SPIRE2: variants seen among roughly 807,000 people sequenced by gnomAD.
SPIRE2 encodes the protein spire type actin nucleation factor 2, also known as protein spire homolog 2.
Under a neutral mutation model 80.7 loss-of-function variants are expected in SPIRE2, and 76 were observed. The observed-to-expected ratio is 0.94, with a 90% CI of 0.78 to 1.14. SPIRE2 has a LOEUF of 1.14. Ranked by LOEUF, SPIRE2 falls within the 50% of genes most tolerant of loss-of-function variation. SPIRE2 has a pLI of 0.00. For missense variants in SPIRE2, 1,196 were observed against 1,015.3 expected (o/e 1.18, Z -2.42); for synonymous variants, 535 against 432.6 (o/e 1.24, Z -2.94).
intron 1 of SPIRE2, among the ~76,000 whole-genome samples, chr16:89,838,164 A>ATTTTTTTTTTT (rs34507409): frequency 1.6e-4 from 14 of 87,514 alleles, no homozygotes; most frequent in Non-Finnish European, 2.5e-4. Context: ...CACGCTCAGC[A>ATTTTTTTTTTT]TTTTTTTTTT....
At chr16:89,865,286 G>GT (rs903757033) in intron 12 of SPIRE2, among the ~76,000 whole-genome samples, 2 of 152,126 alleles carry the variant, frequency 1.3e-5, no homozygotes, top group African/African-American at 4.8e-5. Flanking sequence ...GATTACAGGC[G>GT]TAAGCCACCG....
At position 89,845,324 on chromosome 16, in the gene SPIRE2, C is replaced by G; in HGVS notation, c.247C>G (p.Pro83Ala). Reference sequence around the variant, plus strand: ...CTTAACTCCCTCTTCTCTTACAGAACCTGCAACCATGGTCGTGCCACTAGC... The same window carrying G: ...CTTAACTCCCTCTTCTCTTACAGAAGCTGCAACCATGGTCGTGCCACTAGC... The part of the protein sequence containing the change: ...VGAREPEAAE[P>A]ATMVVPLASS... Residue 83 changes from proline (P) to alanine (A), a missense_variant and splice_region_variant, in exon 2 of 15, where the codon CCT becomes GCT. Transcript: ENST00000378247. The G allele has an allele frequency of 1.2e-6, 2 of 1,614,148 alleles. No individual in the cohort carries two copies. The highest frequency in any genetic ancestry group is 1.6e-4 in the Middle Eastern group (1 of 6,062).
chr16:89,839,834 C>A (rs1426132071), intron 1 of SPIRE2, among the ~76,000 whole-genome samples: 1 of 152,226 alleles, frequency 6.6e-6, no homozygotes, highest in Admixed American at 6.5e-5. Flanking sequence ...CTAAGAGAGT[C>A]AAAGGCAGGG....
intron 1 of SPIRE2, among the ~76,000 whole-genome samples, chr16:89,837,882 G>C (rs978385028): frequency 6.6e-6 from 1 of 152,234 alleles, no homozygotes; most frequent in South Asian, 2.1e-4. Flanking sequence ...GAAGCTCACG[G>C]CTCAACCACA....
At chr16:89,868,836 C>G (rs1203202216) in intron 13 of SPIRE2, among the ~76,000 whole-genome samples, 1 of 151,622 alleles carries the variant, frequency 6.6e-6, no homozygotes, top group Admixed American at 6.6e-5. Flanking sequence ...GCCTGGGTGA[C>G]AGAGACTCCG....
At position 89,863,419 on chromosome 16, in the gene SPIRE2, G is replaced by C; in HGVS notation, c.1576-57G>C. Reference sequence around the variant, plus strand: ...GAGGGTTAGGGTCCTCAGGGAAGGAGAGTAAGCTAGGGGAGCCTCCTGCAT... The same window carrying C: ...GAGGGTTAGGGTCCTCAGGGAAGGACAGTAAGCTAGGGGAGCCTCCTGCAT... On this transcript the variant is annotated intron_variant, in intron 10 of 14. Coordinates refer to ENST00000378247, the MANE Select transcript of SPIRE2 (RefSeq NM_032451.2). This position sits in a 1 kb window ranked among gnomAD's most constrained non-coding sequence, Gnocchi z 4.3. 1.2e-6 allele frequency: 2 copies of C among 1,604,714 alleles called. No individual in the cohort carries two copies. Among genetic ancestry groups the C allele is most frequent in the Middle Eastern group, 1.7e-4 (1 of 6,000 alleles).
At position 89,870,891 on chromosome 16, in the gene SPIRE2, G is replaced by T. The variant is rs1489442718; in HGVS notation, c.*619G>T. The T allele has an allele frequency of 1.3e-5, 2 of 153,384 alleles. No individual in the cohort carries two copies. The highest frequency in any genetic ancestry group is 1.3e-4 in the Admixed American group (2 of 15,510). 9.5% of individuals were successfully genotyped at this position (153,384 alleles called of 1,614,324 possible). A position where few individuals can be genotyped will look rare whatever the true frequency, so the allele number is the denominator to read the frequency against. On this transcript the variant is annotated 3_prime_UTR_variant, in exon 15 of 15. Transcript: ENST00000378247. ...ACCTGAGGTCAGGAGTTTGAGACCA[G>T]CCTGGCCAACATGATGAAATGTTGT...
Position 89,859,313 on chromosome 16 carries a change from C to T in SPIRE2, c.1421C>T (p.Ala474Val). The change falls in exon 9 of 15, where the codon GCT becomes GTT. Residue 474 changes from alanine (A) to valine (V), a missense_variant. Coordinates refer to ENST00000378247, the MANE Select transcript of SPIRE2 (RefSeq NM_032451.2). ...GGGACGGAGCCACCACGGCCCCGAG[C>T]TGGCAGTGCGCATGTGTGGAGGCCC... ...PGGTEPPRPR[A>V]GSAHVWRPGS... 6.3e-7 allele frequency: 1 copy of T among 1,595,172 alleles called. No individual in the cohort carries two copies. The highest frequency in any genetic ancestry group is 8.5e-7 in the Non-Finnish European group (1 of 1,176,506).
chr16:89,868,486 T>C (rs1339998721), intron 13 of SPIRE2, among the ~76,000 whole-genome samples: 2 of 152,190 alleles, frequency 1.3e-5, no homozygotes, highest in African/African-American at 2.4e-5. Flanking sequence ...CTATAACTTT[T>C]TGGGTGTTTT....
chr16:89,842,753 G>A (rs145687479), intron 1 of SPIRE2, among the ~76,000 whole-genome samples: 4 of 152,292 alleles, frequency 2.6e-5, no homozygotes, highest in Non-Finnish European at 4.4e-5. Context: ...ACCTTCCCAT[G>A]GCCTCGGCCC....
Position 89,859,153 on chromosome 16 carries a change from G to A in SPIRE2, c.1273-12G>A. The A allele has an allele frequency of 6.4e-7, 1 of 1,555,768 alleles. No homozygotes were observed. The highest frequency in any genetic ancestry group is 8.7e-7 in the Non-Finnish European group (1 of 1,145,172). ...CATTGTCAGGGCAGGGCCGCGTCTG[G>A]TGTGTCCACAGGAAGAAGAGTCTCC... On this transcript the variant is annotated splice_polypyrimidine_tract_variant and intron_variant, in intron 8 of 14. Coordinates refer to ENST00000378247, the MANE Select transcript of SPIRE2 (RefSeq NM_032451.2).
intron 1 of SPIRE2, among the ~76,000 whole-genome samples, chr16:89,831,906 C>T (rs933790058): frequency 2.1e-5 from 3 of 139,746 alleles, no homozygotes; most frequent in East Asian, 1.9e-4. Context: ...TAAGCCTTCC[C>T]AACCTGTTCA....
In SPIRE2 at chr16:89,836,951, C is replaced by T. The variant is rs191916049; in HGVS notation, c.244+8157C>T. 3.3e-5 allele frequency among the ~76,000 whole-genome samples: 5 copies of T among 152,166 alleles called. No individual in the cohort carries two copies. The East Asian group carries it at 5.8e-4, about 18-fold the overall frequency. ...CGGAGGTTGTGGTGAGCCAGGATTG[C>T]GCCATTGCACTCCAGCCTAGGTAAC... On this transcript the variant is annotated intron_variant, in intron 1 of 14. Coordinates refer to ENST00000378247, the MANE Select transcript of SPIRE2 (RefSeq NM_032451.2).
At chr16:89,845,746 A>C in intron 2 of SPIRE2, 1 of 614,052 alleles carries the variant, frequency 1.6e-6, no homozygotes, top group South Asian at 1.9e-5. Flanking sequence ...AGTGCCCCGA[A>C]ACCCCACCCG....
At chr16:89,861,437 A>G (rs2041743680) in intron 10 of SPIRE2, among the ~76,000 whole-genome samples, 1 of 152,222 alleles carries the variant, frequency 6.6e-6, no homozygotes. Context: ...TGAGCCTTAT[A>G]TAAATGCAAG....
intron 8 of SPIRE2, 127 bp from the exon 9 acceptor site, chr16:89,859,038 T>G: frequency 1.2e-6 from 1 of 813,570 alleles, no homozygotes; most frequent in East Asian, 3.0e-5. Context: ...GGCTGGGAAG[T>G]GGGTGGAGGC....
rs139179530 is a variant in SPIRE2, at chr16:89,859,986, G to A, written c.1462+632G>A. 3.1e-3 allele frequency among the ~76,000 whole-genome samples: 479 copies of A among 152,316 alleles called. 3 individuals are homozygous for A. Among genetic ancestry groups the A allele is most frequent in the African/African-American group, 0.011 (455 of 41,566 alleles). On this transcript the variant is annotated intron_variant, in intron 9 of 14. Coordinates refer to ENST00000378247, the MANE Select transcript of SPIRE2 (RefSeq NM_032451.2). ...CCCTTCCCAGTGTTAAGAGGTCCAG[G>A]CCAGGCCAGTTCCAAACCTCACACT...
intron 10 of SPIRE2, among the ~76,000 whole-genome samples, chr16:89,861,013 G>A (rs938978531): frequency 6.6e-6 from 1 of 152,128 alleles, no homozygotes; most frequent in African/African-American, 2.4e-5. Context: ...GGGCCGAACC[G>A]CACTGCACTG....
Position 89,858,421 on chromosome 16 carries a change from G to A in SPIRE2, c.1186G>A (p.Ala396Thr). The A allele has an allele frequency of 1.2e-6, 2 of 1,612,074 alleles. No individual in the cohort carries two copies. Among genetic ancestry groups the A allele is most frequent in the East Asian group, 2.2e-5 (1 of 44,852 alleles). ...TSCINLSVTD[A>T]GGSAQRPRPR... ...CTGCATCAACCTGTCAGTCACAGAT[G>A]CTGGGGGCAGCGCCCAGCGCCCGCG... The change falls in exon 8 of 15, where the codon GCT (alanine) becomes ACT (threonine). Residue 396 changes from alanine to threonine, a missense_variant. Transcript: ENST00000378247.
Sources: gnomAD v4.1 joint callset for allele counts (sites outside exome capture counted in the v4.1 genomes callset) on GRCh38, gnomAD v4.1.1 for gene constraint, Gnocchi (gnomAD v3.1) non-coding constraint, MANE v1.5 for transcripts, NCBI Gene and HGNC (gene_info 2026-07-23, HGNC 2026-07-21) for gene names.